PCLO: variants seen among roughly 807,000 people sequenced by gnomAD.
The protein encoded by PCLO is protein piccolo.
A neutral mutation model predicts 427.5 loss-of-function variants in PCLO; 82 were observed. The ratio of observed to expected loss-of-function variants is 0.19; its 90% CI spans 0.16 to 0.23. The LOEUF (loss-of-function observed/expected upper bound fraction) is 0.23. PCLO is among the 10% of genes least tolerant of loss of function. PCLO has a pLI of 1.00. For synonymous variants in PCLO, 2,357 were observed against 2,155.4 expected (o/e 1.09, Z -2.59); for missense variants, 6,239 against 6,115.9 (o/e 1.02, Z -0.67).
intron 1 of PCLO, among the ~76,000 whole-genome samples, chr7:83,160,724 C>A (rs1377349838): frequency 1.3e-5 from 2 of 152,048 alleles, no homozygotes; most frequent in African/African-American, 4.8e-5. Flanking sequence ...TGTTTCTCAG[C>A]CACCTTCTAA....
At chr7:82,762,926 G>A (rs1355077679) in intron 22 of PCLO, among the ~76,000 whole-genome samples, 12 of 151,972 alleles carry the variant, frequency 7.9e-5, no homozygotes, top group Admixed American at 7.2e-4. Context: ...ACAGACATGA[G>A]CCATACTGTA....
chr7:82,794,381 AG>A (rs935784957), intron 22 of PCLO, among the ~76,000 whole-genome samples: 6 of 146,868 alleles, frequency 4.1e-5, no homozygotes, highest in Non-Finnish European at 7.5e-5. Context: ...AATAATTATA[AG>A]TTTTTTTGTT....
At chr7:82,767,607 A>G (rs1422945744) in intron 22 of PCLO, among the ~76,000 whole-genome samples, 2 of 152,100 alleles carry the variant, frequency 1.3e-5, no homozygotes, top group Non-Finnish European at 2.9e-5. Flanking sequence ...GGTAGAGAAC[A>G]AAGATTGAGG....
chr7:82,863,662 G>A lies in PCLO; in HGVS notation c.13654+15675C>T, dbSNP rs993671360. Among the ~76,000 whole-genome samples, 17 of 152,052 alleles carry A rather than the reference G, an allele frequency of 1.1e-4. 1 individual carries two copies. The highest frequency in any genetic ancestry group is 4.1e-4 in the African/African-American group (17 of 41,548). On this transcript the variant is annotated intron_variant, in intron 10 of 24. Coordinates refer to ENST00000333891, the MANE Select transcript of PCLO (RefSeq NM_033026.6). ...AGAAAACAGTTTAACAGCAATTTCT[G>A]CCAACTGAATAGAATAAAACTTAAC... is the stretch of plus-strand genomic sequence containing the variant.
chr7:82,932,245 G>C (rs978205870), intron 6 of PCLO, among the ~76,000 whole-genome samples: 1 of 152,006 alleles, frequency 6.6e-6, no homozygotes, highest in Non-Finnish European at 1.5e-5. Context: ...TTTACATCCT[G>C]GCAAGATGCA....
In PCLO at chr7:83,162,425, G is replaced by C; in HGVS notation, c.168C>G (p.Ile56Met). ...SQLSEEERRQ[I>M]AAVMSRAQGL... ...CCTGCGCCCTTGACATGACAGCGGCGATCTGTCTCCTCTCCTCTTCGCTCA... is the reference window on the plus strand; with the variant it reads ...CCTGCGCCCTTGACATGACAGCGGCCATCTGTCTCCTCTCCTCTTCGCTCA... Residue 56 changes from isoleucine to methionine, a missense_variant, in exon 1 of 25, where the codon ATC (isoleucine) becomes ATG (methionine). Ile to Met is a conservative substitution (Grantham distance 10, BLOSUM62 1). This residue lies in a region of PCLO where 4,677 missense variants were observed against 4,468.4 expected (regional missense o/e 1.05). Transcript: ENST00000333891. The C allele has an allele frequency of 1.9e-6, 3 of 1,597,250 alleles. No individual in the cohort carries two copies. Among genetic ancestry groups the C allele is most frequent in the Non-Finnish European group, 1.7e-6 (2 of 1,171,866 alleles).
At position 83,162,824 on chromosome 7, in the gene PCLO, C is replaced by A; in HGVS notation, c.-232G>T. On this transcript the variant is annotated 5_prime_UTR_variant, in exon 1 of 25. In the 5' UTR this introduces an upstream ATG that the reference lacks. Coordinates refer to ENST00000333891, the MANE Select transcript of PCLO (RefSeq NM_033026.6). ...TCCATGTTGGACAGCGCCAGGCAAC[C>A]TTTGCAGAAGACACCTCCCGGACGC... 1.7e-6 allele frequency: 1 copy of A among 574,942 alleles called. No homozygotes were observed. The highest frequency in any genetic ancestry group is 3.0e-6 in the Non-Finnish European group (1 of 335,306). 35.6% of individuals were successfully genotyped at this position (574,942 alleles called of 1,614,324 possible).
chr7:82,825,369 T>TTC (rs769363812), intron 18 of PCLO, among the ~76,000 whole-genome samples: 23 of 152,042 alleles, frequency 1.5e-4, no homozygotes, highest in Non-Finnish European at 2.6e-4. Context: ...TAATCTAGAG[T>TTC]ACTCCTGCCT....
intron 3 of PCLO, among the ~76,000 whole-genome samples, chr7:83,023,776 C>T (rs968251741): frequency 6.6e-6 from 1 of 151,964 alleles, no homozygotes; most frequent in Non-Finnish European, 1.5e-5. Flanking sequence ...TGTCTTATGC[C>T]CACCACAGTG....
At chr7:82,984,779 C>T (rs1583872002) in intron 3 of PCLO, among the ~76,000 whole-genome samples, 1 of 151,864 alleles carries the variant, frequency 6.6e-6, no homozygotes, top group African/African-American at 2.4e-5. Context: ...TTATTAAGGC[C>T]TATGCCTGCT....
At chr7:82,871,126 G>T (rs1293174499) in intron 10 of PCLO, among the ~76,000 whole-genome samples, 1 of 151,840 alleles carries the variant, frequency 6.6e-6, no homozygotes, top group African/African-American at 2.4e-5. Flanking sequence ...CAAAAGAAAG[G>T]AAATAAGTAT....
chr7:83,123,256 G>A (rs1791333838), intron 3 of PCLO, among the ~76,000 whole-genome samples: 1 of 152,086 alleles, frequency 6.6e-6, no homozygotes, highest in South Asian at 2.1e-4. Flanking sequence ...AAACAGCATG[G>A]CACTGGCATA....
intron 3 of PCLO, among the ~76,000 whole-genome samples, chr7:82,981,342 C>T (rs1398361418): frequency 6.6e-6 from 1 of 151,704 alleles, no homozygotes; most frequent in African/African-American, 2.4e-5. Flanking sequence ...AAGAGAACAG[C>T]AGGCAGATCT....
At chr7:82,936,859 C>T (rs1249093325) in intron 6 of PCLO, among the ~76,000 whole-genome samples, 1 of 151,458 alleles carries the variant, frequency 6.6e-6, no homozygotes, top group African/African-American at 2.4e-5. Context: ...AGTAGATGAA[C>T]ATAGAAAATG....
At chr7:83,073,697 C>G (rs924384755) in intron 3 of PCLO, among the ~76,000 whole-genome samples, 1 of 151,734 alleles carries the variant, frequency 6.6e-6, no homozygotes, top group Non-Finnish European at 1.5e-5. Context: ...ACTACAGATG[C>G]TGTGATATTA....
rs765236341 is a variant in PCLO, at chr7:82,776,277, C to T, written c.15008-14784G>A. On this transcript the variant is annotated intron_variant, in intron 22 of 24. Coordinates refer to ENST00000333891, the MANE Select transcript of PCLO (RefSeq NM_033026.6). ...GGCATGAGCCAAAATCTATCCAATACGCAAAATAATGTTTTAATAAAATGT... is the reference window on the plus strand; with the variant it reads ...GGCATGAGCCAAAATCTATCCAATATGCAAAATAATGTTTTAATAAAATGT... 1.1e-4 allele frequency among the ~76,000 whole-genome samples: 16 copies of T among 151,984 alleles called. No individual in the cohort carries two copies. The East Asian group carries it at 1.2e-3, about 11-fold the overall frequency.
intron 6 of PCLO, 73 bp downstream of exon 6, chr7:82,949,403 G>A: frequency 1.2e-5 from 14 of 1,139,534 alleles, no homozygotes; most frequent in Non-Finnish European, 1.6e-5. Flanking sequence ...GAGCCTGATC[G>A]CCTCCTAAAA....
rs551249756 is a variant in PCLO, at chr7:83,160,349, C to T, written c.248+1996G>A. Among the ~76,000 whole-genome samples, 474 of 152,170 alleles carry T rather than the reference C, an allele frequency of 3.1e-3. 2 individuals carry two copies. The highest frequency in any genetic ancestry group is 0.011 in the African/African-American group (448 of 41,542). ...ATGTTCAATTCACACCACTTAAATG[C>T]TTAAAACTTCAAATAATTTGTGTAT... On this transcript the variant is annotated intron_variant, in intron 1 of 24. Coordinates refer to ENST00000333891, the MANE Select transcript of PCLO (RefSeq NM_033026.6).
At chr7:82,961,335 G>A (rs1795651702) in intron 4 of PCLO, among the ~76,000 whole-genome samples, 1 of 152,108 alleles carries the variant, frequency 6.6e-6, no homozygotes, top group Non-Finnish European at 1.5e-5. Context: ...GAAAAACTGA[G>A]AACAGGTTCA....
Sources: allele counts gnomAD v4.1 joint callset (sites outside exome capture counted in the v4.1 genomes callset), GRCh38; gene constraint gnomAD v4.1.1; regional missense constraint gnomAD v4.1.1; transcripts MANE v1.5; gene names NCBI Gene and HGNC (gene_info 2026-07-23, HGNC 2026-07-21).